GPC5: variants seen among roughly 807,000 people sequenced by gnomAD.
The protein encoded by GPC5 is glypican-5.
A neutral mutation model predicts 53.9 loss-of-function variants in GPC5; 47 were observed. The ratio of observed to expected loss-of-function variants is 0.87; its 90% CI spans 0.69 to 1.11. The LOEUF is 1.11. Among genes scored for constraint, GPC5 ranks in the 50% most tolerant of loss-of-function variants. The pLI, the probability that GPC5 is intolerant of heterozygous loss-of-function variation, is 0.00. For missense variants in GPC5, 748 were observed against 713.1 expected (o/e 1.05, Z -0.56); for synonymous variants, 286 against 263.3 (o/e 1.09, Z -0.84).
intron 7 of GPC5, among the ~76,000 whole-genome samples, chr13:92,175,506 C>G (rs186859669): frequency 7.4e-4 from 113 of 152,232 alleles, no homozygotes; most frequent in African/African-American, 2.6e-3. Context: ...TGTAGTCCAG[C>G]TATCTAAGAG....
At chr13:92,651,922 T>C (rs1437915672) in intron 7 of GPC5, among the ~76,000 whole-genome samples, 1 of 151,990 alleles carries the variant, frequency 6.6e-6, no homozygotes, top group Non-Finnish European at 1.5e-5. Context: ...TGTACTGATA[T>C]GGAAGAACGT....
intron 2 of GPC5, among the ~76,000 whole-genome samples, chr13:91,610,694 T>C (rs2033520675): frequency 6.6e-6 from 1 of 152,230 alleles, no homozygotes; most frequent in African/African-American, 2.4e-5. Context: ...TTAAAAACTG[T>C]TATGATTAAG....
At chr13:92,122,655 G>A (rs529828833) in intron 6 of GPC5, among the ~76,000 whole-genome samples, 2 of 149,350 alleles carry the variant, frequency 1.3e-5, no homozygotes, top group Non-Finnish European at 3.0e-5. Context: ...TTGCTGTTAC[G>A]CAATGGATAA....
At chr13:92,778,449 T>A (rs1310378222) in intron 7 of GPC5, among the ~76,000 whole-genome samples, 1 of 152,172 alleles carries the variant, frequency 6.6e-6, no homozygotes, top group Non-Finnish European at 1.5e-5. Flanking sequence ...ATTCTTGTCT[T>A]TATTAAGAGT....
intron 7 of GPC5, among the ~76,000 whole-genome samples, chr13:92,502,080 A>G (rs1465324228): frequency 6.6e-6 from 1 of 152,086 alleles, no homozygotes; most frequent in Admixed American, 6.6e-5. Context: ...AATGTTTGGT[A>G]ATATATAGTA....
At chr13:91,523,451 T>C (rs1885933785) in intron 2 of GPC5, among the ~76,000 whole-genome samples, 10 of 152,166 alleles carry the variant, frequency 6.6e-5, no homozygotes, top group Admixed American at 5.2e-4. Flanking sequence ...CTGGAAGACA[T>C]GTTAAATAAA....
chr13:92,004,170 G>T (rs2040582211), intron 6 of GPC5, among the ~76,000 whole-genome samples: 1 of 152,030 alleles, frequency 6.6e-6, no homozygotes, highest in Non-Finnish European at 1.5e-5. Flanking sequence ...CTATAGGCCA[G>T]GCGCAGTAGC....
chr13:92,735,153 A>G (rs538515775), intron 7 of GPC5, among the ~76,000 whole-genome samples: 1 of 152,106 alleles, frequency 6.6e-6, no homozygotes, highest in South Asian at 2.1e-4. Flanking sequence ...TGTATTCTTT[A>G]AAAGTCTCAA....
chr13:92,435,113 C>A (rs1877249597), intron 7 of GPC5, among the ~76,000 whole-genome samples: 1 of 152,092 alleles, frequency 6.6e-6, no homozygotes, highest in Admixed American at 6.6e-5. Flanking sequence ...CGGGGTTTCA[C>A]CATGTTGACC....
intron 7 of GPC5, among the ~76,000 whole-genome samples, chr13:92,458,605 T>A (rs1318690767): frequency 6.7e-6 from 1 of 150,316 alleles, no homozygotes; most frequent in Non-Finnish European, 1.5e-5. Context: ...GCCTTACTTA[T>A]TCTTTTTTTT....
chr13:92,328,158 T>C (rs2043264825), intron 7 of GPC5, among the ~76,000 whole-genome samples: 1 of 152,190 alleles, frequency 6.6e-6, no homozygotes, highest in Non-Finnish European at 1.5e-5. Context: ...TTTTTCACTT[T>C]GTACTTCTAG....
chr13:91,525,219 T>C lies in GPC5; in HGVS notation c.325+76297T>C, dbSNP rs188244978. 7.9e-4 allele frequency among the ~76,000 whole-genome samples: 120 copies of C among 152,318 alleles called. 1 individual carries two copies. In the Middle Eastern group the frequency reaches 0.017, roughly 22 times the overall value. On this transcript the variant is annotated intron_variant, in intron 2 of 7. Transcript: ENST00000377067. ...TACTTTTCCCCCCAAGAAATGTTAT[T>C]AGTAGTCTGTTAGTGAAAATTTTTT...
chr13:91,930,122 A>G (rs1167656098), intron 6 of GPC5, among the ~76,000 whole-genome samples: 1 of 152,088 alleles, frequency 6.6e-6, no homozygotes, highest in Non-Finnish European at 1.5e-5. Context: ...GAATTTCAAG[A>G]TGCCCATCAT....
At chr13:92,716,662 T>A (rs1594449460) in intron 7 of GPC5, among the ~76,000 whole-genome samples, 1 of 152,284 alleles carries the variant, frequency 6.6e-6, no homozygotes. Context: ...ATATTTTATT[T>A]TAAAAGGTAG....
At chr13:91,667,259 G>A (rs1229915789) in intron 2 of GPC5, among the ~76,000 whole-genome samples, 1 of 152,094 alleles carries the variant, frequency 6.6e-6, no homozygotes, top group Admixed American at 6.5e-5. Context: ...GCTGGATCTA[G>A]TCACCATTTA....
chr13:91,972,126 C>G (rs1252109736), intron 6 of GPC5, among the ~76,000 whole-genome samples: 1 of 152,086 alleles, frequency 6.6e-6, no homozygotes, highest in Non-Finnish European at 1.5e-5. Context: ...TCACTAAGGA[C>G]TTGCTTTATG....
chr13:92,408,039 T>G (rs1875870314), intron 7 of GPC5, among the ~76,000 whole-genome samples: 1 of 152,156 alleles, frequency 6.6e-6, no homozygotes, highest in Admixed American at 6.5e-5. Flanking sequence ...CATGGCCTGT[T>G]AGGAACTTGT....
In GPC5 at chr13:92,863,821, G is replaced by C. The variant is rs1331833959; in HGVS notation, c.1562-2461G>C. Among the ~76,000 whole-genome samples, 10 of 152,142 alleles carry C rather than the reference G, an allele frequency of 6.6e-5. No individual in the cohort carries two copies. The East Asian group carries it at 1.9e-3, about 29-fold the overall frequency. On this transcript the variant is annotated intron_variant, in intron 7 of 7. Transcript: ENST00000377067. ...CATATTTCATAGCACCAATCACCAGGTCTGTCTCTGTGTAATAATATTTCC... is the reference window on the plus strand; with the variant it reads ...CATATTTCATAGCACCAATCACCAGCTCTGTCTCTGTGTAATAATATTTCC...
chr13:92,109,400 C>A (rs2041538392), intron 6 of GPC5, among the ~76,000 whole-genome samples: 3 of 152,120 alleles, frequency 2.0e-5, no homozygotes, highest in African/African-American at 7.2e-5. Context: ...TCTTTGTAAT[C>A]TCTCACTGTC....
Sources: allele counts gnomAD v4.1 joint callset (sites outside exome capture counted in the v4.1 genomes callset), GRCh38; gene constraint gnomAD v4.1.1; transcripts MANE v1.5; gene names NCBI Gene and HGNC (gene_info 2026-07-23, HGNC 2026-07-21).